Variants in ZZZ3 observed in about 807,000 individuals in gnomAD.
ZZZ3 encodes the protein zinc finger ZZ-type containing 3.
In ZZZ3, 22 loss-of-function variants were observed where a neutral mutation model predicts 95.2. That is an observed-to-expected ratio of 0.23 (90% CI 0.17 to 0.33). The LOEUF (loss-of-function observed/expected upper bound fraction) is 0.33. Ranked by LOEUF, ZZZ3 falls within the 10% of genes least tolerant of loss-of-function variation. The pLI, the probability that ZZZ3 is intolerant of heterozygous loss-of-function variation, is 1.00. For missense variants in ZZZ3, 885 were observed against 1,066.5 expected (o/e 0.83, Z 2.37); for synonymous variants, 335 against 358.9 (o/e 0.93, Z 0.75).
chr1:77,616,047 G>GTTT, intron 5 of ZZZ3, among the ~76,000 whole-genome samples: 1 of 151,976 alleles, frequency 6.6e-6, no homozygotes, highest in African/African-American at 2.4e-5. Context: ...TATACACTGA[G>GTTT]TTATTTTTAT....
chr1:77,579,016 C>T (rs1662244998), intron 10 of ZZZ3, 147 bp from the exon 11 acceptor site: 1 of 423,212 alleles, frequency 2.4e-6, no homozygotes, highest in Non-Finnish European at 4.1e-6. Context: ...AAACTGCCAC[C>T]AAATACACAT....
chr1:77,642,999 C>T (rs1206911881), intron 1 of ZZZ3, among the ~76,000 whole-genome samples: 8 of 151,830 alleles, frequency 5.3e-5, no homozygotes, highest in Admixed American at 6.6e-5. Flanking sequence ...ATCGCTTGAG[C>T]CTAGGAGTTT....
At chr1:77,626,540 C>T (rs566943904) in intron 5 of ZZZ3, among the ~76,000 whole-genome samples, 2 of 152,248 alleles carry the variant, frequency 1.3e-5, no homozygotes, top group Non-Finnish European at 2.9e-5. Context: ...AGAGTTCGTG[C>T]TCCTATGAGA....
chr1:77,632,088 C>T lies in ZZZ3; in HGVS notation c.1267G>A (p.Val423Ile). The T allele has an allele frequency of 1.2e-6, 2 of 1,614,068 alleles. No homozygotes were observed. Among genetic ancestry groups the T allele is most frequent in the Non-Finnish European group, 1.7e-6 (2 of 1,179,988 alleles). The change falls in exon 5 of 15, where the codon GTA becomes ATA. Residue 423 changes from valine to isoleucine, a missense_variant. Around this residue, in one of 5 missense-constraint regions of ZZZ3, gnomAD observed 556 missense variants for 652.9 expected, o/e 0.85. Transcript: ENST00000370801. ...CCAGGATTTGTAGGAGATTGACTTA[C>T]ATTATCACTAACAGTTGCATTTGTT... ...NETNATVSDN[V>I]SQSPTNPGEI... is the part of the protein sequence containing the mutation.
At chr1:77,674,488 C>G (rs1406731971) in intron 1 of ZZZ3, among the ~76,000 whole-genome samples, 3 of 152,170 alleles carry the variant, frequency 2.0e-5, no homozygotes, top group African/African-American at 7.2e-5. Flanking sequence ...AATAAACACA[C>G]AAGTTTCTGG....
chr1:77,571,026 A>C (rs924066630), intron 12 of ZZZ3, among the ~76,000 whole-genome samples: 2 of 152,012 alleles, frequency 1.3e-5, no homozygotes, highest in Non-Finnish European at 2.9e-5. Flanking sequence ...TTATTACCAT[A>C]CTATGTCACC....
In ZZZ3 at chr1:77,611,966, T is replaced by C. The variant is rs191151791; in HGVS notation, c.1505+19884A>G. 2.0e-5 allele frequency among the ~76,000 whole-genome samples: 3 copies of C among 151,810 alleles called. No homozygotes were observed. In the East Asian group the frequency reaches 5.8e-4, roughly 29 times the overall value. On this transcript the variant is annotated intron_variant, in intron 5 of 14. Transcript: ENST00000370801. ...AAAAGCTTAGCTACAAAGGTAAAAATAAATGAGACTAGCTCAAACTAAAAA... is the reference window on the plus strand; with the variant it reads ...AAAAGCTTAGCTACAAAGGTAAAAACAAATGAGACTAGCTCAAACTAAAAA...
rs1362047954 is a variant in ZZZ3 at position 77,562,487 on chromosome 1, ATATT to A, written c.*3149_*3152del. On this transcript the variant is annotated 3_prime_UTR_variant, in exon 15 of 15. Coordinates refer to ENST00000370801, the MANE Select transcript of ZZZ3 (RefSeq NM_015534.6). ...ATTGAAAAAGACATTTCACAAAACA[ATATT>A]TATCTTTATTACATGTGATGTACCA... 1.6e-4 allele frequency: 24 copies of A among 152,210 alleles called. No homozygotes were observed. The highest frequency in any genetic ancestry group is 2.8e-4 in the Non-Finnish European group (19 of 68,036). 9.4% of individuals were successfully genotyped at this position (152,210 alleles called of 1,614,324 possible). A position where few individuals can be genotyped will look rare whatever the true frequency, so the allele number is the denominator to read the frequency against.
intron 1 of ZZZ3, among the ~76,000 whole-genome samples, chr1:77,646,240 G>C (rs914867234): frequency 2.0e-5 from 3 of 151,400 alleles, no homozygotes; most frequent in Non-Finnish European, 4.4e-5. Flanking sequence ...TTTCTTTTGA[G>C]ACAGGGTCTC....
intron 1 of ZZZ3, among the ~76,000 whole-genome samples, chr1:77,673,012 A>C (rs1056028593): frequency 3.3e-5 from 5 of 152,240 alleles, no homozygotes; most frequent in Non-Finnish European, 7.3e-5. Flanking sequence ...AGATGACTGA[A>C]GTACAGGACT....
At chr1:77,639,167 G>A (rs1038983) in intron 4 of ZZZ3, among the ~76,000 whole-genome samples, 94,515 of 151,630 alleles carry the variant, frequency 0.62, 30,860 homozygotes, top group Admixed American at 0.73. Context: ...TTTAAAAGAC[G>A]ATCAGGAAAA....
At chr1:77,683,306 G>T (rs1234978663), upstream of ZZZ3, 2 of 150,440 alleles carry the variant, frequency 1.3e-5, no homozygotes, top group Admixed American at 1.3e-4. Flanking sequence ...GGGAGGCGCC[G>T]CCGCCGTGGC....
Position 77,566,102 on chromosome 1 carries a change from A to C in ZZZ3, c.2546T>G (p.Phe849Cys), listed in dbSNP as rs765853748. ...QDCPPEMSLD[F>C]CDSCSDCLHE... ...TTACCAGTCTGAACAAGAATCACAG[A>C]AATCCAAAGACATTTCTGGAGGACA... The change falls in exon 14 of 15, where the codon TTC becomes TGC. Residue 849 changes from phenylalanine to cysteine, a missense_variant. By Grantham distance (205) the Phe-to-Cys change is radical (BLOSUM62 -2). Coordinates refer to ENST00000370801, the MANE Select transcript of ZZZ3 (RefSeq NM_015534.6). 15 of 1,613,038 alleles carry C rather than the reference A, an allele frequency of 9.3e-6. No homozygotes were observed. Among genetic ancestry groups the C allele is most frequent in the Middle Eastern group, 1.6e-4 (1 of 6,080 alleles).
At chr1:77,574,880 CATT>C (rs1244887870) in intron 12 of ZZZ3, among the ~76,000 whole-genome samples, 3 of 152,104 alleles carry the variant, frequency 2.0e-5, no homozygotes, top group African/African-American at 7.2e-5. Context: ...AAAATGAACT[CATT>C]ATTTTAAAAA....
intron 1 of ZZZ3, among the ~76,000 whole-genome samples, chr1:77,676,426 C>T (rs751334822): frequency 1.9e-4 from 29 of 152,162 alleles, no homozygotes; most frequent in Admixed American, 1.8e-3. Context: ...CCTCAGCTTC[C>T]CAAAGTGTTG....
intron 11 of ZZZ3, 126 bp from the exon 12 acceptor site, chr1:77,576,346 T>C (rs1661938620): frequency 1.4e-6 from 1 of 729,404 alleles, no homozygotes; most frequent in African/African-American, 1.8e-5. Flanking sequence ...TTTAGCATAC[T>C]CTTATGTTGT....
rs140282569 is a variant in ZZZ3, at chr1:77,633,307, T to G, written c.48A>C (p.Leu16Phe). The G allele has an allele frequency of 6.2e-7, 1 of 1,613,782 alleles. No individual in the cohort carries two copies. Among genetic ancestry groups the G allele is most frequent in the African/African-American group, 1.3e-5 (1 of 75,038 alleles). ...CACAAAAAGATTCATCCAAGCCGTT[T>G]AACCCCACTGTTGATCTTGTAACAC... is the stretch of plus-strand genomic sequence containing the variant. ...STRVTRSTVG[L>F]NGLDESFCGR... The change falls in exon 5 of 15, where the codon TTA becomes TTC. Residue 16 changes from leucine to phenylalanine, a missense_variant. Leu to Phe is a conservative substitution (Grantham distance 22). This residue lies in a region of ZZZ3 where 556 missense variants were observed against 652.9 expected (regional missense o/e 0.85). Coordinates refer to ENST00000370801, the MANE Select transcript of ZZZ3 (RefSeq NM_015534.6).
intron 1 of ZZZ3, among the ~76,000 whole-genome samples, chr1:77,668,994 A>G (rs898685378): frequency 2.6e-5 from 4 of 152,020 alleles, no homozygotes; most frequent in African/African-American, 7.2e-5. Flanking sequence ...CATATTCTTC[A>G]GATATTTTTG....
intron 11 of ZZZ3, among the ~76,000 whole-genome samples, chr1:77,578,572 G>A (rs1008078552): frequency 1.3e-5 from 2 of 152,046 alleles, no homozygotes; most frequent in African/African-American, 2.4e-5. Flanking sequence ...TTACTCCAAA[G>A]AAAATAATGA....
Sources: gnomAD v4.1 joint callset for allele counts (sites outside exome capture counted in the v4.1 genomes callset) on GRCh38, gnomAD v4.1.1 for gene constraint, gnomAD v4.1.1 regional missense constraint, MANE v1.5 for transcripts, NCBI Gene and HGNC (gene_info 2026-07-23, HGNC 2026-07-21) for gene names.